FBXL7: variants seen among roughly 807,000 people sequenced by gnomAD.
FBXL7 encodes F-box and leucine rich repeat protein 7, also known as F-box/LRR-repeat protein 7.
A neutral mutation model predicts 38.3 loss-of-function variants in FBXL7; 12 were observed. That is an observed-to-expected ratio of 0.31 (90% CI 0.20 to 0.51). The LOEUF (loss-of-function observed/expected upper bound fraction) is 0.51, where lower values mean the gene tolerates loss of function less well. Ranked by LOEUF, FBXL7 falls within the 20% of genes least tolerant of loss-of-function variation. The pLI is 0.98. For synonymous variants in FBXL7, 297 were observed against 300.9 expected, an observed-to-expected ratio of 0.99 and a Z score of 0.13; for missense variants, 567 against 676.4, an observed-to-expected ratio of 0.84 and a Z score of 1.79.
intron 2 of FBXL7, among the ~76,000 whole-genome samples, chr5:15,730,165 G>A (rs990600357): frequency 4.0e-5 from 6 of 149,450 alleles, no homozygotes; most frequent in Non-Finnish European, 7.5e-5. Context: ...AAATTTTACA[G>A]ATTTTTTTTT....
In FBXL7 at chr5:15,768,536, A is replaced by G. The variant is rs559925702; in HGVS notation, c.127+152464A>G. 4.6e-5 allele frequency among the ~76,000 whole-genome samples: 7 copies of G among 152,190 alleles called. No homozygotes were observed. The South Asian group carries it at 1.2e-3, about 27-fold the overall frequency. ...ACGGAGCGAGACTCTGTCTCAAAAA[A>G]AAAAAAGAAAAAAAAGAGTAACACT... On this transcript the variant is annotated intron_variant, in intron 2 of 3. Coordinates refer to ENST00000504595, the MANE Select transcript of FBXL7 (RefSeq NM_012304.5).
At chr5:15,536,454 C>T (rs1737586513) in intron 1 of FBXL7, among the ~76,000 whole-genome samples, 1 of 152,172 alleles carries the variant, frequency 6.6e-6, no homozygotes. Context: ...ATGCCTAAGG[C>T]CTTCAGAGCC....
intron 2 of FBXL7, among the ~76,000 whole-genome samples, chr5:15,752,232 G>T (rs1160671389): frequency 1.3e-5 from 2 of 152,048 alleles, no homozygotes; most frequent in Admixed American, 6.6e-5. Context: ...TAACAAAACT[G>T]CACGTTCTGC....
At chr5:15,804,222 C>T (rs767291172) in intron 2 of FBXL7, among the ~76,000 whole-genome samples, 26 of 152,160 alleles carry the variant, frequency 1.7e-4, no homozygotes, top group Non-Finnish European at 2.9e-4. Context: ...AATCCCAACA[C>T]TTTGGGAGGC....
Position 15,939,278 on chromosome 5 carries a change from C to T in FBXL7, c.*2092C>T. 3 of 379,924 alleles carry T rather than the reference C, an allele frequency of 7.9e-6. No homozygotes were observed. The highest frequency in any genetic ancestry group is 1.4e-5 in the Non-Finnish European group (3 of 214,698). The allele number at this position is 379,924 out of a possible 1,614,324, so 23.5% of individuals were successfully genotyped here. On this transcript the variant is annotated 3_prime_UTR_variant, in exon 4 of 4. Transcript: ENST00000504595. Reference sequence around the variant, plus strand: ...GAAAGAAGTTGAAGGCAGCATTCCTCAGCTCTGTGACTTGTGACCCTATTT... The same window carrying T: ...GAAAGAAGTTGAAGGCAGCATTCCTTAGCTCTGTGACTTGTGACCCTATTT...
intron 2 of FBXL7, among the ~76,000 whole-genome samples, chr5:15,657,430 C>T (rs542276792): frequency 1.1e-4 from 17 of 152,188 alleles, no homozygotes; most frequent in Admixed American, 3.3e-4. Flanking sequence ...TAGAACAAAT[C>T]GAGATAATTT....
At chr5:15,544,268 C>A (rs1051989777) in intron 1 of FBXL7, among the ~76,000 whole-genome samples, 1 of 152,164 alleles carries the variant, frequency 6.6e-6, no homozygotes, top group South Asian at 2.1e-4. Flanking sequence ...TGGGCTAAGC[C>A]CCAATTCTGG....
chr5:15,717,910 G>A (rs1221366786), intron 2 of FBXL7, among the ~76,000 whole-genome samples: 1 of 151,112 alleles, frequency 6.6e-6, no homozygotes, highest in Non-Finnish European at 1.5e-5. Context: ...CAGCTTTATA[G>A]ATAATTTTTC....
intron 2 of FBXL7, among the ~76,000 whole-genome samples, chr5:15,766,049 TAC>T (rs1242993210): frequency 6.7e-4 from 74 of 109,766 alleles, no homozygotes; most frequent in Admixed American, 1.4e-3. Context: ...TCTATCTACC[TAC>T]CTACCTACCT....
At chr5:15,566,223 A>G (rs1462662876) in intron 1 of FBXL7, among the ~76,000 whole-genome samples, 1 of 152,110 alleles carries the variant, frequency 6.6e-6, no homozygotes, top group Non-Finnish European at 1.5e-5. Context: ...CAAGCTTGCT[A>G]TTGTCTTGAA....
intron 2 of FBXL7, among the ~76,000 whole-genome samples, chr5:15,882,088 C>T (rs1470249481): frequency 5.3e-5 from 8 of 152,220 alleles, no homozygotes; most frequent in South Asian, 2.1e-4. Context: ...CATTCACTAT[C>T]GTGACGACAG....
At chr5:15,535,283 T>C (rs1737553275) in intron 1 of FBXL7, among the ~76,000 whole-genome samples, 1 of 152,156 alleles carries the variant, frequency 6.6e-6, no homozygotes, top group Admixed American at 6.5e-5. Flanking sequence ...AAAGATAACC[T>C]GAAAATGTGG....
intron 1 of FBXL7, among the ~76,000 whole-genome samples, chr5:15,563,030 C>A (rs1462814226): frequency 1.3e-5 from 2 of 152,106 alleles, no homozygotes; most frequent in Admixed American, 1.3e-4. Flanking sequence ...ACTTACTTAT[C>A]TTTTCTTCTG....
chr5:15,748,214 A>G (rs562965265), intron 2 of FBXL7, among the ~76,000 whole-genome samples: 1 of 152,344 alleles, frequency 6.6e-6, no homozygotes, highest in Non-Finnish European at 1.5e-5. Context: ...TGCAATGCAC[A>G]GGACAGGCCC....
chr5:15,868,942 A>C (rs1328822707), intron 2 of FBXL7, among the ~76,000 whole-genome samples: 1 of 152,158 alleles, frequency 6.6e-6, no homozygotes, highest in African/African-American at 2.4e-5. Context: ...CCCAAAACTA[A>C]GGGACTTCAA....
intron 2 of FBXL7, among the ~76,000 whole-genome samples, chr5:15,794,079 A>C (rs372317440): frequency 1.3e-5 from 2 of 152,338 alleles, no homozygotes; most frequent in South Asian, 2.1e-4. Context: ...TTATGATGCC[A>C]TCTCGTTTAA....
At chr5:15,507,763 G>T (rs1237537659) in intron 1 of FBXL7, among the ~76,000 whole-genome samples, 3 of 152,172 alleles carry the variant, frequency 2.0e-5, no homozygotes, top group African/African-American at 4.8e-5. Context: ...CTTAAGTCAG[G>T]TGGGGCATCA....
At chr5:15,526,972 T>C (rs1034010278) in intron 1 of FBXL7, among the ~76,000 whole-genome samples, 1 of 152,170 alleles carries the variant, frequency 6.6e-6, no homozygotes, top group African/African-American at 2.4e-5. Context: ...TCAAAATGAA[T>C]CTCCATTCTT....
At chr5:15,500,833 G>A in intron 1 of FBXL7, 120 bp downstream of exon 1, 2 of 1,237,666 alleles carry the variant, frequency 1.6e-6, no homozygotes, top group South Asian at 2.7e-5. Context: ...TTGGCACCCT[G>A]TCTGGGTCAC....
Sources: allele counts gnomAD v4.1 joint callset (sites outside exome capture counted in the v4.1 genomes callset), GRCh38; gene constraint gnomAD v4.1.1; transcripts MANE v1.5; gene names NCBI Gene and HGNC (gene_info 2026-07-23, HGNC 2026-07-21).